THSD7A: variants seen among roughly 807,000 people sequenced by gnomAD.
The protein encoded by THSD7A is thrombospondin type-1 domain-containing protein 7A.
Under a neutral mutation model 231.3 loss-of-function variants are expected in THSD7A, and 96 were observed. That is an observed-to-expected ratio of 0.41 (90% CI 0.35 to 0.49). THSD7A has a LOEUF of 0.49. Ranked by LOEUF, THSD7A falls within the 20% of genes least tolerant of loss-of-function variation. THSD7A has a pLI of 0.05. For synonymous variants in THSD7A, 940 were observed against 743.3 expected, an observed-to-expected ratio of 1.26 and a Z score of -4.30; for missense variants, 2,290 against 2,070.2, an observed-to-expected ratio of 1.11 and a Z score of -2.06.
intron 17 of THSD7A, 30 bp downstream of exon 17, chr7:11,417,420 C>G (rs760903151): frequency 6.5e-7 from 1 of 1,537,380 alleles, no homozygotes; most frequent in Admixed American, 2.3e-5. Flanking sequence ...TAAATAAACT[C>G]TACATTAATA....
chr7:11,521,348 T>C (rs1448793304), intron 6 of THSD7A, among the ~76,000 whole-genome samples: 1 of 152,148 alleles, frequency 6.6e-6, no homozygotes, highest in Non-Finnish European at 1.5e-5. Context: ...CAAAGAACTT[T>C]GTGACCACTA....
chr7:11,419,914 T>A (rs2115403663), intron 16 of THSD7A, among the ~76,000 whole-genome samples: 1 of 152,260 alleles, frequency 6.6e-6, no homozygotes, highest in African/African-American at 2.4e-5. Flanking sequence ...TTGTGGAACT[T>A]TGAACTTGAG....
At chr7:11,672,004 T>G (rs1340214018) in intron 1 of THSD7A, among the ~76,000 whole-genome samples, 1 of 152,196 alleles carries the variant, frequency 6.6e-6, no homozygotes, top group Non-Finnish European at 1.5e-5. Flanking sequence ...TAAAACATTG[T>G]TAACTATTAT....
intron 6 of THSD7A, among the ~76,000 whole-genome samples, chr7:11,508,304 C>T (rs1211269109): frequency 6.6e-6 from 1 of 151,906 alleles, no homozygotes; most frequent in Middle Eastern, 3.2e-3. Flanking sequence ...AGCGAGCCAA[C>T]AAGTATTTGA....
chr7:11,824,386 C>A (rs549600950), intron 1 of THSD7A, among the ~76,000 whole-genome samples: 1 of 152,174 alleles, frequency 6.6e-6, no homozygotes, highest in African/African-American at 2.4e-5. Flanking sequence ...TAAAAGGACC[C>A]AAACTACAAT....
chr7:11,523,534 G>C (rs1788352017), intron 6 of THSD7A, among the ~76,000 whole-genome samples: 1 of 151,830 alleles, frequency 6.6e-6, no homozygotes, highest in Non-Finnish European at 1.5e-5. Context: ...CATAATCCCT[G>C]ACAAAAAATT....
Position 11,484,643 on chromosome 7 carries a change from C to T in THSD7A, c.1823-2661G>A, listed in dbSNP as rs541345570. Among the ~76,000 whole-genome samples, 12 of 152,142 alleles carry T rather than the reference C, an allele frequency of 7.9e-5. 1 individual carries two copies. The South Asian group carries it at 1.9e-3, about 24-fold the overall frequency. On this transcript the variant is annotated intron_variant, in intron 6 of 27. Coordinates refer to ENST00000423059, the MANE Select transcript of THSD7A (RefSeq NM_015204.3). ...TTAGAACCTAGAATAGTGCCCGACA[C>T]GTAGGAAGCACTAAATCATTTTTTG...
intron 6 of THSD7A, among the ~76,000 whole-genome samples, chr7:11,498,714 C>T (rs1386604012): frequency 6.6e-6 from 1 of 152,176 alleles, no homozygotes; most frequent in Non-Finnish European, 1.5e-5. Flanking sequence ...CCACTTCATG[C>T]AGATGCCTTT....
intron 1 of THSD7A, among the ~76,000 whole-genome samples, chr7:11,638,387 T>G (rs1487618145): frequency 2.0e-5 from 3 of 152,230 alleles, no homozygotes; most frequent in Non-Finnish European, 4.4e-5. Context: ...CCTCAGTTAG[T>G]TTCTTCTGTA....
intron 4 of THSD7A, among the ~76,000 whole-genome samples, chr7:11,560,385 G>A (rs1311968414): frequency 1.3e-5 from 2 of 152,056 alleles, no homozygotes; most frequent in South Asian, 2.1e-4. Flanking sequence ...CAACTTCATA[G>A]GGCAGCACAT....
intron 9 of THSD7A, among the ~76,000 whole-genome samples, chr7:11,469,461 G>A (rs1431506809): frequency 6.6e-6 from 1 of 151,916 alleles, no homozygotes; most frequent in Non-Finnish European, 1.5e-5. Flanking sequence ...TCCTATTCTT[G>A]GGGCTGCATA....
chr7:11,829,591 C>T (rs79056069), intron 1 of THSD7A, among the ~76,000 whole-genome samples: 4,604 of 152,204 alleles, frequency 0.03, 101 homozygotes, highest in South Asian at 0.081. Context: ...AAGCTTACCC[C>T]ATTGGAACAG....
At chr7:11,724,506 T>C (rs1781477832) in intron 1 of THSD7A, among the ~76,000 whole-genome samples, 1 of 151,770 alleles carries the variant, frequency 6.6e-6, no homozygotes, top group Non-Finnish European at 1.5e-5. Context: ...AGGCAAAAAT[T>C]TAATGAAAAG....
At chr7:11,448,814 C>T (rs1216263614) in intron 11 of THSD7A, among the ~76,000 whole-genome samples, 1 of 152,050 alleles carries the variant, frequency 6.6e-6, no homozygotes, top group Non-Finnish European at 1.5e-5. Flanking sequence ...TTCCCTATTT[C>T]TTAGCTTTAG....
chr7:11,724,398 C>T (rs1269816530), intron 1 of THSD7A, among the ~76,000 whole-genome samples: 1 of 151,788 alleles, frequency 6.6e-6, no homozygotes, highest in Non-Finnish European at 1.5e-5. Context: ...TAAGTAATTC[C>T]CCTTTGTTCT....
chr7:11,473,496 C>T (rs918803507), intron 8 of THSD7A, among the ~76,000 whole-genome samples: 3 of 152,056 alleles, frequency 2.0e-5, no homozygotes, highest in East Asian at 1.9e-4. Context: ...ATGCAAAAAT[C>T]GACTCATTTA....
chr7:11,499,124 T>C (rs756111394), intron 6 of THSD7A, among the ~76,000 whole-genome samples: 12 of 152,142 alleles, frequency 7.9e-5, no homozygotes, highest in Non-Finnish European at 1.8e-4. Flanking sequence ...CTAAGGGCCT[T>C]ATCCACACCT....
intron 1 of THSD7A, among the ~76,000 whole-genome samples, chr7:11,682,091 G>A (rs1043647664): frequency 3.3e-5 from 5 of 152,028 alleles, no homozygotes; most frequent in Non-Finnish European, 7.4e-5. Context: ...AACCCTATAA[G>A]AGATGCTTAA....
chr7:11,406,768 G>T lies in THSD7A; in HGVS notation c.4062+142C>A. The T allele has an allele frequency of 9.6e-7, 1 of 1,038,632 alleles. No homozygotes were observed. The highest frequency in any genetic ancestry group is 1.4e-6 in the Non-Finnish European group (1 of 737,024). The allele number at this position is 1,038,632 out of a possible 1,614,324, so 64.3% of individuals were successfully genotyped here. Reference sequence around the variant, plus strand: ...AAAACTAATTAAATGGTTATAAAATGGCAAGTACATACAAATTTTAAGAAG... The same window carrying T: ...AAAACTAATTAAATGGTTATAAAATTGCAAGTACATACAAATTTTAAGAAG... On this transcript the variant is annotated intron_variant, in intron 21 of 27. Transcript: ENST00000423059. This position sits in a 1 kb window ranked among gnomAD's most constrained non-coding sequence, Gnocchi z 4.7.
Sources: allele counts gnomAD v4.1 joint callset (sites outside exome capture counted in the v4.1 genomes callset), GRCh38; gene constraint gnomAD v4.1.1; non-coding constraint Gnocchi (gnomAD v3.1); transcripts MANE v1.5; gene names NCBI Gene and HGNC (gene_info 2026-07-23, HGNC 2026-07-21).